The following TCHH variants were observed in gnomAD, a reference collection of about 807,000 sequenced individuals.
TCHH encodes trichohyalin.
TCHH carries 6 observed loss-of-function variants against 6.3 expected under a neutral mutation model. The observed-to-expected ratio is 0.95, with a 90% confidence interval of 0.52 to 1.88. TCHH has a LOEUF of 1.88. Ranked by LOEUF, TCHH falls within the 40% of genes most tolerant of loss-of-function variation. TCHH has a pLI of 0.01. For missense variants in TCHH, 2,920 were observed against 2,449.1 expected (o/e 1.19, Z -4.06); for synonymous variants, 1,087 against 963.6 (o/e 1.13, Z -2.37).
chr1:152,108,543 G>A lies in TCHH; in HGVS notation c.4674C>T (p.Arg1558=), dbSNP rs544121627. The A allele has an allele frequency of 1.2e-4, 198 of 1,595,426 alleles. 4 individuals are homozygous for A. In the South Asian group the frequency reaches 2.0e-3, roughly 16 times the overall value. Residue 1558 remains arginine (R), a synonymous_variant, in exon 3 of 3, where the codon CGC becomes CGT. Coordinates refer to ENST00000614923, the MANE Select transcript of TCHH (RefSeq NM_007113.4). ...QRRQDRDRKF[R]EEEQLRQERE... ...TCTCCTGGCGCAGCTGTTCCTCCTC[G>A]CGGAATTTTCTGTCACGGTCCTGAC...
Position 152,111,776 on chromosome 1 carries a change from C to A in TCHH, c.1441G>T (p.Glu481Ter), listed in dbSNP as rs570186823. ...RRKQQLKRDQ[E>*]EERRERWLKL... is the part of the protein sequence containing the mutation. ...AGCCAACGTTCGCGCCTCTCCTCCT[C>A]CTGGTCGCGCTTCAGCTGCTGCTTG... The change falls in exon 3 of 3, where the codon GAG (glutamate) becomes TAG (stop). Residue 481 changes from glutamate (E) to a stop codon, truncating the protein, a stop_gained. Coordinates refer to ENST00000614923, the MANE Select transcript of TCHH (RefSeq NM_007113.4). LOFTEE classifies it low-confidence loss of function (END_TRUNC). 1 of 1,562,246 alleles carries A rather than the reference C, an allele frequency of 6.4e-7. No homozygotes were observed. Among genetic ancestry groups the A allele is most frequent in the South Asian group, 1.1e-5 (1 of 88,750 alleles).
rs778099271 is a variant in TCHH, at chr1:152,108,665, G to C, written c.4552C>G (p.Leu1518Val). ...CGGTGCAGCTGCTGTTCCTCCTCGAGGAATTTTCTCTCTGGTTCCTGACTG... is the reference window on the plus strand; with the variant it reads ...CGGTGCAGCTGCTGTTCCTCCTCGACGAATTTTCTCTCTGGTTCCTGACTG... ...LRSQEPERKF[L>V]EEEQQLHRQQ... The change falls in exon 3 of 3, where the codon CTC becomes GTC. Residue 1518 changes from leucine to valine, a missense_variant. Coordinates refer to ENST00000614923, the MANE Select transcript of TCHH (RefSeq NM_007113.4). 6.8e-6 allele frequency: 11 copies of C among 1,608,986 alleles called. No homozygotes were observed. Among genetic ancestry groups the C allele is most frequent in the South Asian group, 3.3e-5 (3 of 90,858 alleles).
At position 152,108,509 on chromosome 1, in the gene TCHH, G is replaced by A. The variant is rs755624790; in HGVS notation, c.4708C>T (p.Gln1570Ter). 3 of 1,610,474 alleles carry A rather than the reference G, an allele frequency of 1.9e-6. No homozygotes were observed. Among genetic ancestry groups the A allele is most frequent in the South Asian group, 1.1e-5 (1 of 90,542 alleles). Residue 1570 changes from glutamine (Q) to a stop codon, truncating the protein, a stop_gained, in exon 3 of 3, where the codon CAG becomes TAG. Transcript: ENST00000614923. LOFTEE classifies it low-confidence loss of function (END_TRUNC). The stretch of plus-strand genomic sequence containing the variant: ...TCACGCTCTTGGCGGCTCAGCTGCT[G>A]TTCCTCCCTCTCCTGGCGCAGCTGT... Reference protein sequence around the residue: ...EEQLRQEREEQQLSRQERDRK... With the variant: ...EEQLRQEREE
chr1:152,110,363 T>A lies in TCHH; in HGVS notation c.2854A>T (p.Arg952Ter). The change falls in exon 3 of 3, where the codon AGA (arginine) becomes TGA (stop). Residue 952 changes from arginine to a stop codon, truncating the protein, a stop_gained. Transcript: ENST00000614923. LOFTEE classifies it low-confidence loss of function (END_TRUNC). ...TATTGCCTTTCCCGCTCCTGGCGTC[T>A]TCTTTTCTCCCGTTCCTCTCTCAGC... ...QLLREEREKR[R>*]RQERERQYRK... is the part of the protein sequence containing the mutation. 3.1e-6 allele frequency: 5 copies of A among 1,611,676 alleles called. No homozygotes were observed. Among genetic ancestry groups the A allele is most frequent in the Non-Finnish European group, 4.2e-6 (5 of 1,179,026 alleles).
At position 152,108,693 on chromosome 1, in the gene TCHH, C is replaced by G; in HGVS notation, c.4524G>C (p.Leu1508=). 6.2e-7 allele frequency: 1 copy of G among 1,612,814 alleles called. No individual in the cohort carries two copies. The highest frequency in any genetic ancestry group is 1.1e-5 in the South Asian group (1 of 91,032). Residue 1508 remains leucine (L), a synonymous_variant, in exon 3 of 3, where the codon CTG becomes CTC. Transcript: ENST00000614923. ...ATTTTCTCTCTGGTTCCTGACTGCG[C>G]AGTTCCTGTTCGCGGAATTTTCTGT... ...ERDRKFREQE[L]RSQEPERKFL... is the part of the protein sequence containing the mutation.
In TCHH at chr1:152,107,692, T is replaced by A; in HGVS notation, c.5525A>T (p.Asp1842Val). Residue 1842 changes from aspartate to valine, a missense_variant, in exon 3 of 3, where the codon GAC (aspartate) becomes GTC (valine). Asp to Val is a radical substitution (Grantham distance 152). Transcript: ENST00000614923. ...EQEQRLRQER[D>V]RQYRAEEQFA... The stretch of plus-strand genomic sequence containing the variant: ...CTGCTCCTCCGCCCGGTACTGCCGG[T>A]CTCGCTCCTGCCGCAGCCTCTGCTC... The A allele has an allele frequency of 6.2e-7, 1 of 1,614,226 alleles. No homozygotes were observed. The highest frequency in any genetic ancestry group is 8.5e-7 in the Non-Finnish European group (1 of 1,180,052).
chr1:152,108,041 G>A lies in TCHH; in HGVS notation c.5176C>T (p.Arg1726Cys), dbSNP rs749310356. ...TCTTGGCGCAGCTGTTCCTCCTCAC[G>A]GAATTTTCTCTCCAGTTCCTGGCGG... ...LRRQELERKF[R>C]EEEQLRQETE... The change falls in exon 3 of 3, where the codon CGT becomes TGT. Residue 1726 changes from arginine to cysteine, a missense_variant. Coordinates refer to ENST00000614923, the MANE Select transcript of TCHH (RefSeq NM_007113.4). 4 of 1,613,950 alleles carry A rather than the reference G, an allele frequency of 2.5e-6. No individual in the cohort carries two copies. The East Asian group carries it at 8.9e-5, about 36-fold the overall frequency.
chr1:152,113,884 T>C, intron 2 of TCHH, 59 bp downstream of exon 2: 4 of 1,587,798 alleles, frequency 2.5e-6, no homozygotes, highest in Non-Finnish European at 3.4e-6. Context: ...TCTGGTCTCC[T>C]CTGAGAATAA....
In TCHH at chr1:152,108,843, C is replaced by T. The variant is rs1421993715; in HGVS notation, c.4374G>A (p.Glu1458=). The change falls in exon 3 of 3, where the codon GAG becomes GAA. Residue 1458 remains glutamate (E), a synonymous_variant. Coordinates refer to ENST00000614923, the MANE Select transcript of TCHH (RefSeq NM_007113.4). The part of the protein sequence containing the change: ...FLEEEQQLRQ[E]RHRKFREEEQ... ...CCTCTTCGCGGAATTTTCTGTGACG[C>T]TCCTGGCGCAGCTGCTGTTCCTCCT... 4.2e-5 allele frequency: 68 copies of T among 1,612,572 alleles called. No homozygotes were observed. Among genetic ancestry groups the T allele is most frequent in the Non-Finnish European group, 5.6e-5 (66 of 1,179,750 alleles).
In TCHH at chr1:152,108,155, C is replaced by T. The variant is rs897716287; in HGVS notation, c.5062G>A (p.Glu1688Lys). 5 of 1,613,228 alleles carry T rather than the reference C, an allele frequency of 3.1e-6. No homozygotes were observed. The highest frequency in any genetic ancestry group is 1.3e-5 in the African/African-American group (1 of 74,634). The change falls in exon 3 of 3, where the codon GAG (glutamate) becomes AAG (lysine). Residue 1688 changes from glutamate (E) to lysine (K), a missense_variant. Physicochemically the swap from Glu to Lys is moderately conservative, Grantham distance 56. Transcript: ENST00000614923. The part of the protein sequence containing the change: ...EGEEQQLRRQ[E>K]RDRKFREEEQ... ...TCTTCGCGGAATTTTCTGTCACGCT[C>T]TTGGCGGCGCAGCTGCTGTTCCTCC...
In TCHH at chr1:152,111,515, T is replaced by C. The variant is rs1658349972; in HGVS notation, c.1702A>G (p.Lys568Glu). 6.3e-7 allele frequency: 1 copy of C among 1,592,374 alleles called. No homozygotes were observed. Residue 568 changes from lysine (K) to glutamate (E), a missense_variant, in exon 3 of 3, where the codon AAG becomes GAG. By Grantham distance (56) the Lys-to-Glu change is moderately conservative. Coordinates refer to ENST00000614923, the MANE Select transcript of TCHH (RefSeq NM_007113.4). The part of the protein sequence containing the change: ...LEQERREQRL[K>E]REQEERRDQL... ...TCGCGCCTCTCCTCCTGCTCGCGCT[T>C]CAGCCGCTGCTCTCGCCTCTCCTGC...
rs759565539 is a variant in TCHH at position 152,110,783 on chromosome 1, G to T, written c.2434C>A (p.Pro812Thr). 6.2e-6 allele frequency: 10 copies of T among 1,607,288 alleles called. No individual in the cohort carries two copies. In the South Asian group the frequency reaches 1.1e-4, roughly 18 times the overall value. ...ERQQREQRFL[P>T]EEEEKEQRRR... is the part of the protein sequence containing the mutation. ...CGCTGCTCCTTCTCCTCCTCCTCCG[G>T]GAGAAACCGTTGTTCCCGCTGCTGG... Residue 812 changes from proline (P) to threonine (T), a missense_variant, in exon 3 of 3, where the codon CCG becomes ACG. Coordinates refer to ENST00000614923, the MANE Select transcript of TCHH (RefSeq NM_007113.4).
Position 152,107,686 on chromosome 1 carries a change from T to C in TCHH, c.5531A>G (p.Gln1844Arg). The change falls in exon 3 of 3, where the codon CAG (glutamine) becomes CGG (arginine). Residue 1844 changes from glutamine (Q) to arginine (R), a missense_variant. Physicochemically the swap from Gln to Arg is conservative, Grantham distance 43. Coordinates refer to ENST00000614923, the MANE Select transcript of TCHH (RefSeq NM_007113.4). ...GGCAAACTGCTCCTCCGCCCGGTAC[T>C]GCCGGTCTCGCTCCTGCCGCAGCCT... ...EQRLRQERDR[Q>R]YRAEEQFATQ... The C allele has an allele frequency of 1.9e-6, 3 of 1,614,236 alleles. No homozygotes were observed. The highest frequency in any genetic ancestry group is 1.6e-4 in the Middle Eastern group (1 of 6,062).
At position 152,111,053 on chromosome 1, in the gene TCHH, T is replaced by G; in HGVS notation, c.2164A>C (p.Arg722=). 1 of 1,613,516 alleles carries G rather than the reference T, an allele frequency of 6.2e-7. No homozygotes were observed. Among genetic ancestry groups the G allele is most frequent in the Non-Finnish European group, 8.5e-7 (1 of 1,180,000 alleles). The part of the protein sequence containing the change: ...ADARQSKVYS[R]PRKQEGQRRR... The stretch of plus-strand genomic sequence containing the variant: ...CTCTGCCCTTCCTGCTTGCGGGGCC[T>G]CGAGTAGACTTTGCTTTGCCGTGCG... Residue 722 remains arginine (R), a synonymous_variant, in exon 3 of 3, where the codon AGG becomes CGG. Coordinates refer to ENST00000614923, the MANE Select transcript of TCHH (RefSeq NM_007113.4).
rs368778419 is a variant in TCHH, at chr1:152,107,430, A to G, written c.5787T>C (p.Pro1929=). 323 of 1,607,868 alleles carry G rather than the reference A, an allele frequency of 2.0e-4. 1 individual carries two copies. Among genetic ancestry groups the G allele is most frequent in the Non-Finnish European group, 2.5e-4 (298 of 1,177,142 alleles). ...TCTGCTCTTGGATGTACTCATAGAG[A>G]GGGCTGGAGCGCACTGGGACACTGG... ...QFASVPVRSS[P]LYEYIQEQRS... Residue 1929 remains proline, a synonymous_variant, in exon 3 of 3, where the codon CCT becomes CCC. Coordinates refer to ENST00000614923, the MANE Select transcript of TCHH (RefSeq NM_007113.4).
rs545148997 is a variant in TCHH, at chr1:152,109,579, C to G, written c.3638G>C (p.Arg1213Pro). 48 of 1,614,210 alleles carry G rather than the reference C, an allele frequency of 3.0e-5. No individual in the cohort carries two copies. Among genetic ancestry groups the G allele is most frequent in the East Asian group, 2.0e-4 (9 of 44,884 alleles). Residue 1213 changes from arginine (R) to proline (P), a missense_variant, in exon 3 of 3, where the codon CGA becomes CCA. Transcript: ENST00000614923. ...EELQRQKRKQ[R>P]YRDEDQRSDL... ...ACTGCGCTGATCCTCATCCCGGTAT[C>G]GCTGCTTCCTTTTCTGGCGCTGAAG...
Position 152,112,189 on chromosome 1 carries a change from T to C in TCHH, c.1028A>G (p.Gln343Arg). 6.3e-7 allele frequency: 1 copy of C among 1,597,080 alleles called. No homozygotes were observed. Among genetic ancestry groups the C allele is most frequent in the Non-Finnish European group, 8.5e-7 (1 of 1,176,810 alleles). Residue 343 changes from glutamine to arginine, a missense_variant, in exon 3 of 3, where the codon CAG (glutamine) becomes CGG (arginine). Coordinates refer to ENST00000614923, the MANE Select transcript of TCHH (RefSeq NM_007113.4). Reference protein sequence around the residue: ...ERREQQLRREQEERREQQLRR... With the variant: ...ERREQQLRREREERREQQLRR... The stretch of plus-strand genomic sequence containing the variant: ...CAGCTGCTGCTCGCGCCTCTCCTCC[T>C]GCTCGCGCCTCAGCTGCTGCTCGCG...
rs770794570 is a variant in TCHH at position 152,112,481 on chromosome 1, A to G, written c.736T>C (p.Trp246Arg). The part of the protein sequence containing the change: ...RVFQEEEEKE[W>R]RKRETVLRKE... ...CGGAGCACTGTCTCGCGCTTCCTCC[A>G]CTCTTTCTCTTCTTCCTCCTGGAAC... Residue 246 changes from tryptophan to arginine, a missense_variant, in exon 3 of 3, where the codon TGG becomes CGG. Trp to Arg is a moderately radical substitution (Grantham distance 101). Transcript: ENST00000614923. 2.5e-6 allele frequency: 4 copies of G among 1,609,280 alleles called. No individual in the cohort carries two copies. The highest frequency in any genetic ancestry group is 3.4e-6 in the Non-Finnish European group (4 of 1,178,776).
At position 152,109,338 on chromosome 1, in the gene TCHH, G is replaced by A. The variant is rs766197270; in HGVS notation, c.3879C>T (p.Phe1293=). 1.2e-6 allele frequency: 2 copies of A among 1,614,172 alleles called. No homozygotes were observed. Among genetic ancestry groups the A allele is most frequent in the Admixed American group, 3.3e-5 (2 of 60,030 alleles). The change falls in exon 3 of 3, where the codon TTC becomes TTT. Residue 1293 remains phenylalanine, a synonymous_variant. Coordinates refer to ENST00000614923, the MANE Select transcript of TCHH (RefSeq NM_007113.4). The part of the protein sequence containing the change: ...RRRWQQRDRH[F]PEEEQLEREE... The stretch of plus-strand genomic sequence containing the variant: ...CTCGCTCCAGCTGTTCTTCCTCTGG[G>A]AAATGCCTGTCGCGCTGCTGCCAGC...
Sources: allele counts gnomAD v4.1 joint callset, GRCh38; gene constraint gnomAD v4.1.1; transcripts MANE v1.5; gene names NCBI Gene and HGNC (gene_info 2026-07-23, HGNC 2026-07-21).